LEPR: variants seen among roughly 807,000 people sequenced by gnomAD.
LEPR encodes the protein leptin receptor.
A neutral mutation model predicts 114.7 loss-of-function variants in LEPR; 56 were observed. The observed-to-expected ratio is 0.49, with a 90% CI of 0.39 to 0.61. The LOEUF (loss-of-function observed/expected upper bound fraction) is 0.61, where lower values mean the gene tolerates loss of function less well. LEPR is among the 20% of genes least tolerant of loss of function. The pLI, the probability that LEPR is intolerant of heterozygous loss-of-function variation, is 0.00. For synonymous variants in LEPR, 443 were observed against 461.4 expected, an observed-to-expected ratio of 0.96 and a Z score of 0.51; for missense variants, 1,202 against 1,352.9, an observed-to-expected ratio of 0.89 and a Z score of 1.75.
At chr1:65,592,581 T>C in intron 5 of LEPR, 76 bp from the exon 6 acceptor site, 4 of 1,516,574 alleles carry the variant, frequency 2.6e-6, no homozygotes, top group Non-Finnish European at 3.6e-6. Context: ...TCAATTAGTA[T>C]TTAGTATCCT....
rs1658601231 is a variant in LEPR at position 65,633,375 on chromosome 1, CCA to C, written c.2674-2815_2674-2814del. On this transcript the variant is annotated intron_variant, in intron 19 of 19. Coordinates refer to ENST00000349533, the MANE Select transcript of LEPR (RefSeq NM_002303.6). The surrounding 1 kb of genome is among the most constrained non-coding windows in gnomAD (Gnocchi z 4.1). The stretch of plus-strand genomic sequence containing the variant: ...TTGGGTTCAAAATGTAGATTTGAGT[CCA>C]GTTTGGATGTGTGATTAATTTTCAA... 1 of 1,333,946 alleles carries C rather than the reference CCA, an allele frequency of 7.5e-7. No individual in the cohort carries two copies. Among genetic ancestry groups the C allele is most frequent in the Non-Finnish European group, 9.6e-7 (1 of 1,043,654 alleles). The allele number at this position is 1,333,946 out of a possible 1,614,324, so 82.6% of individuals were successfully genotyped here. A position where few individuals can be genotyped will look rare whatever the true frequency, so the allele number is the denominator to read the frequency against.
At chr1:65,536,102 G>A (rs1177939569) in intron 2 of LEPR, among the ~76,000 whole-genome samples, 1 of 152,166 alleles carries the variant, frequency 6.6e-6, no homozygotes, top group Non-Finnish European at 1.5e-5. Flanking sequence ...GATTCCCAGT[G>A]TTAGAGGTGA....
intron 2 of LEPR, among the ~76,000 whole-genome samples, chr1:65,528,033 C>A (rs1314601367): frequency 6.6e-6 from 1 of 152,078 alleles, no homozygotes; most frequent in African/African-American, 2.4e-5. Context: ...GGGACTTACT[C>A]TCTCAGCAAT....
chr1:65,442,462 T>C (rs1279026736), intron 2 of LEPR, among the ~76,000 whole-genome samples: 1 of 152,240 alleles, frequency 6.6e-6, no homozygotes, highest in Non-Finnish European at 1.5e-5. Flanking sequence ...TTTGTCTCCC[T>C]AAATGTATAA....
At chr1:65,470,810 A>C (rs1205226727) in intron 2 of LEPR, among the ~76,000 whole-genome samples, 1 of 152,196 alleles carries the variant, frequency 6.6e-6, no homozygotes, top group African/African-American at 2.4e-5. Context: ...TCCTAACCTT[A>C]TTTCAAAAAT....
chr1:65,456,812 T>C (rs1021711357), intron 2 of LEPR, among the ~76,000 whole-genome samples: 2 of 152,220 alleles, frequency 1.3e-5, no homozygotes, highest in African/African-American at 4.8e-5. Context: ...AAAGTGATTA[T>C]TGATATAGTG....
Position 65,444,073 on chromosome 1 carries a change from CATTAGGT to C in LEPR, c.-21+18698_-21+18704del, listed in dbSNP as rs576458500. 6.1e-3 allele frequency among the ~76,000 whole-genome samples: 496 copies of C among 81,542 alleles called. 110 individuals are homozygous for C. Among genetic ancestry groups the C allele is most frequent in the African/African-American group, 0.02 (483 of 23,898 alleles). 53.5% of individuals were successfully genotyped at this position (81,542 alleles called of 152,430 possible). A position where few individuals can be genotyped will look rare whatever the true frequency, so the allele number is the denominator to read the frequency against. On this transcript the variant is annotated intron_variant, in intron 2 of 19. Coordinates refer to ENST00000349533, the MANE Select transcript of LEPR (RefSeq NM_002303.6). ...CTGCACCCACTAATGTGTCATCTAG[CATTAGGT>C]ATATCTCCCAATGCTATCCCTCCCC...
rs1207662150 is a variant in LEPR at position 65,488,218 on chromosome 1, CTCTCTCTCTCTT to C, written c.-21+62844_-21+62855del. On this transcript the variant is annotated intron_variant, in intron 2 of 19. Coordinates refer to ENST00000349533, the MANE Select transcript of LEPR (RefSeq NM_002303.6). ...TTTCTTTCTTTCTTTCTTTCTCTCT[CTCTCTCTCTCTT>C]TCTTTCTTTCTTTCTTTCTTTCTTT... Among the ~76,000 whole-genome samples the C allele has an allele frequency of 7.2e-4, 47 of 65,528 alleles. No individual in the cohort carries two copies. In the East Asian group the frequency reaches 0.018, roughly 26 times the overall value. 43.0% of individuals were successfully genotyped at this position (65,528 alleles called of 152,430 possible). A position where few individuals can be genotyped will look rare whatever the true frequency, so the allele number is the denominator to read the frequency against.
At chr1:65,604,468 C>T (rs550677036) in intron 10 of LEPR, among the ~76,000 whole-genome samples, 3 of 152,284 alleles carry the variant, frequency 2.0e-5, no homozygotes, top group South Asian at 4.1e-4. Flanking sequence ...CCTCAGCCTC[C>T]CTAGTAGCCA....
At chr1:65,512,709 G>A (rs779307558) in intron 2 of LEPR, among the ~76,000 whole-genome samples, 15 of 152,070 alleles carry the variant, frequency 9.9e-5, no homozygotes, top group Non-Finnish European at 1.8e-4. Flanking sequence ...TGCTTATTCT[G>A]GCCCTGCCTT....
intron 7 of LEPR, 65 bp from the exon 8 acceptor site, chr1:65,598,595 C>G: frequency 1.9e-6 from 3 of 1,599,790 alleles, no homozygotes; most frequent in Non-Finnish European, 2.6e-6. Context: ...ATTAGCTTAT[C>G]CTCACTTTTA....
chr1:65,452,165 A>T (rs1646795027), intron 2 of LEPR, among the ~76,000 whole-genome samples: 1 of 152,208 alleles, frequency 6.6e-6, no homozygotes, highest in Admixed American at 6.5e-5. Flanking sequence ...TTATCAATTT[A>T]AGGAGATTTT....
intron 5 of LEPR, among the ~76,000 whole-genome samples, chr1:65,575,908 T>C (rs1159244342): frequency 6.6e-6 from 1 of 151,432 alleles, no homozygotes; most frequent in African/African-American, 2.5e-5. Context: ...TACTTCTTCA[T>C]CTGCGGACAC....
intron 19 of LEPR, among the ~76,000 whole-genome samples, chr1:65,624,619 A>T (rs958902868): frequency 2.6e-5 from 4 of 152,212 alleles, no homozygotes; most frequent in Admixed American, 6.5e-5. Context: ...GATATGCAAG[A>T]CCGAAATGAA....
intron 3 of LEPR, among the ~76,000 whole-genome samples, chr1:65,568,785 C>T (rs1329916314): frequency 6.6e-6 from 1 of 152,124 alleles, no homozygotes; most frequent in Non-Finnish European, 1.5e-5. Flanking sequence ...ATTTACATTG[C>T]CACCAACAGT....
intron 2 of LEPR, among the ~76,000 whole-genome samples, chr1:65,551,582 T>C (rs186280339): frequency 3.2e-4 from 48 of 152,320 alleles, no homozygotes; most frequent in African/African-American, 1.1e-3. Flanking sequence ...TTATTGTGTC[T>C]ATTTGATTCT....
chr1:65,620,400 C>G (rs1188492859), intron 17 of LEPR, among the ~76,000 whole-genome samples: 1 of 151,828 alleles, frequency 6.6e-6, no homozygotes, highest in Non-Finnish European at 1.5e-5. Context: ...ATGTATTATC[C>G]AACAGATATT....
intron 5 of LEPR, among the ~76,000 whole-genome samples, chr1:65,591,412 A>G (rs575352827): frequency 1.3e-5 from 2 of 152,098 alleles, no homozygotes; most frequent in Non-Finnish European, 2.9e-5. Context: ...ATGTTACATC[A>G]ATGATGAAAT....
rs1442890613 is a variant in LEPR at position 65,601,551 on chromosome 1, G to C, written c.1154G>C (p.Ser385Thr). Residue 385 changes from serine to threonine, a missense_variant, in exon 9 of 20, where the codon AGT becomes ACT. By Grantham distance (58) the Ser-to-Thr change is moderately conservative. Transcript: ENST00000349533. ...KIPQSQYDVVSDHVSKVTFFN... is the reference protein window; with the variant it reads ...KIPQSQYDVVTDHVSKVTFFN... ...CCTCAAAGCCAGTATGATGTTGTGA[G>C]TGATCATGTTAGCAAAGTTACTTTT... 6.2e-7 allele frequency: 1 copy of C among 1,613,806 alleles called. No homozygotes were observed. Among genetic ancestry groups the C allele is most frequent in the South Asian group, 1.1e-5 (1 of 91,070 alleles).
Sources: gnomAD v4.1 joint callset for allele counts (sites outside exome capture counted in the v4.1 genomes callset) on GRCh38, gnomAD v4.1.1 for gene constraint, Gnocchi (gnomAD v3.1) non-coding constraint, MANE v1.5 for transcripts, NCBI Gene and HGNC (gene_info 2026-07-23, HGNC 2026-07-21) for gene names.